CNKSR3: variants seen among roughly 807,000 people sequenced by gnomAD.
CNKSR3 encodes the protein connector enhancer of kinase suppressor of ras 3.
In CNKSR3, 36 loss-of-function variants were observed where a neutral mutation model predicts 67.7. That is an observed-to-expected ratio of 0.53 (90% CI 0.41 to 0.70). CNKSR3 has a LOEUF of 0.70. CNKSR3 is among the 30% of genes least tolerant of loss of function. The pLI, the probability that CNKSR3 is intolerant of heterozygous loss-of-function variation, is 0.00. For synonymous variants in CNKSR3, 281 were observed against 271.4 expected, an observed-to-expected ratio of 1.04 and a Z score of -0.35; for missense variants, 630 against 695.2, an observed-to-expected ratio of 0.91 and a Z score of 1.05.
chr6:154,510,008 C>T, intron 1 of CNKSR3, 55 bp downstream of exon 1: 1 of 1,595,526 alleles, frequency 6.3e-7, no homozygotes, highest in Admixed American at 1.7e-5. Flanking sequence ...CCCAGCTCCT[C>T]GTCCGCCCCA....
chr6:154,427,744 A>C (rs1375551934), intron 7 of CNKSR3, among the ~76,000 whole-genome samples: 1 of 152,208 alleles, frequency 6.6e-6, no homozygotes, highest in African/African-American at 2.4e-5. Flanking sequence ...GAGACATAAA[A>C]ATTCCATTAA....
chr6:154,478,737 C>G (rs1177601341), intron 1 of CNKSR3, among the ~76,000 whole-genome samples: 2 of 152,148 alleles, frequency 1.3e-5, no homozygotes, highest in Non-Finnish European at 2.9e-5. Flanking sequence ...TTCCTGAAAC[C>G]TGCATCTTTT....
At position 154,415,227 on chromosome 6, in the gene CNKSR3, C is replaced by CTTTTTTTTTTTTTTTT. The variant is rs773533317; in HGVS notation, c.946-805_946-804insAAAAAAAAAAAAAAAA. On this transcript the variant is annotated intron_variant, in intron 9 of 12. Coordinates refer to ENST00000607772, the MANE Select transcript of CNKSR3 (RefSeq NM_173515.4). ...ATCCTGGCTAGACTTACTAGCTGCC[C>CTTTTTTTTTTTTTTTT]ATTTTTTTTTTTTTTTTTTTTAAGA... Among the ~76,000 whole-genome samples the CTTTTTTTTTTTTTTTT allele has an allele frequency of 2.7e-3, 309 of 112,720 alleles. 37 individuals carry two copies. Among genetic ancestry groups the CTTTTTTTTTTTTTTTT allele is most frequent in the African/African-American group, 0.01 (275 of 26,796 alleles). 73.9% of individuals were successfully genotyped at this position (112,720 alleles called of 152,430 possible).
At chr6:154,423,263 T>C (rs746784897) in intron 7 of CNKSR3, among the ~76,000 whole-genome samples, 11 of 152,076 alleles carry the variant, frequency 7.2e-5, no homozygotes, top group Non-Finnish European at 1.6e-4. Context: ...ACATACTGTC[T>C]TTTGTTTTGT....
At chr6:154,436,754 A>T (rs1297424435) in intron 4 of CNKSR3, among the ~76,000 whole-genome samples, 3 of 151,882 alleles carry the variant, frequency 2.0e-5, no homozygotes, top group Non-Finnish European at 4.4e-5. Context: ...ACATGAGGAG[A>T]CTACACTGGA....
chr6:154,486,396 A>G (rs1164641568), intron 1 of CNKSR3, among the ~76,000 whole-genome samples: 1 of 150,672 alleles, frequency 6.6e-6, no homozygotes, highest in African/African-American at 2.5e-5. Flanking sequence ...CCTGGCTTCC[A>G]GTGATTTCTC....
rs1403816624 is a variant in CNKSR3 at position 154,396,459 on chromosome 6, ACTT to A, written c.*9892_*9894del. 1 of 152,208 alleles carries A rather than the reference ACTT, an allele frequency of 6.6e-6. No homozygotes were observed. Among genetic ancestry groups the A allele is most frequent in the African/African-American group, 2.4e-5 (1 of 41,448 alleles). The allele number at this position is 152,208 out of a possible 1,614,324, so 9.4% of individuals were successfully genotyped here. A position where few individuals can be genotyped will look rare whatever the true frequency, so the allele number is the denominator to read the frequency against. On this transcript the variant is annotated 3_prime_UTR_variant, in exon 13 of 13. Transcript: ENST00000607772. ...CAGAAAATTTTAATAATTTTTTCTAACTTCTTTTCTGATTGCACAGTTAATTTT... is the reference window on the plus strand; with the variant it reads ...CAGAAAATTTTAATAATTTTTTCTAACTTTTCTGATTGCACAGTTAATTTT...
rs760603680 is a variant in CNKSR3 at position 154,406,314 on chromosome 6, T to A, written c.*40A>T. On this transcript the variant is annotated 3_prime_UTR_variant, in exon 13 of 13. Transcript: ENST00000607772. ...CTGTCCACTGTAAAAGCAAGGCACT[T>A]GGGGCAGGAGCCAGGCAGGTGGCCT... The A allele has an allele frequency of 6.4e-7, 1 of 1,569,986 alleles. No homozygotes were observed. The highest frequency in any genetic ancestry group is 8.6e-7 in the Non-Finnish European group (1 of 1,156,650).
chr6:154,438,934 C>T (rs759158674), intron 4 of CNKSR3, among the ~76,000 whole-genome samples: 1 of 152,168 alleles, frequency 6.6e-6, no homozygotes, highest in African/African-American at 2.4e-5. Flanking sequence ...GGACATGTAC[C>T]TCCTATGGGA....
Position 154,407,908 on chromosome 6 carries a change from A to G in CNKSR3, c.1370-1256T>C, listed in dbSNP as rs193254629. Among the ~76,000 whole-genome samples the G allele has an allele frequency of 1.2e-3, 172 of 141,770 alleles. 1 individual carries two copies. Among genetic ancestry groups the G allele is most frequent in the African/African-American group, 4.2e-3 (162 of 38,734 alleles). 93.0% of individuals were successfully genotyped at this position (141,770 alleles called of 152,430 possible). ...AAAAAAAAAAAAACCTAAATTTCCA[A>G]CAGTGGCACGTTGAATAAATAGGCG... is the stretch of plus-strand genomic sequence containing the variant. On this transcript the variant is annotated intron_variant, in intron 12 of 12. Coordinates refer to ENST00000607772, the MANE Select transcript of CNKSR3 (RefSeq NM_173515.4).
chr6:154,456,787 C>T (rs746098140), intron 1 of CNKSR3, among the ~76,000 whole-genome samples: 72 of 148,682 alleles, frequency 4.8e-4, no homozygotes, highest in Non-Finnish European at 9.4e-4. Flanking sequence ...AGACTATGCT[C>T]TTCCACGAGG....
At position 154,399,889 on chromosome 6, in the gene CNKSR3, C is replaced by T. The variant is rs1297605196; in HGVS notation, c.*6465G>A. On this transcript the variant is annotated 3_prime_UTR_variant, in exon 13 of 13. Coordinates refer to ENST00000607772, the MANE Select transcript of CNKSR3 (RefSeq NM_173515.4). ...TCTAACAATAAAGTTAAATCCTCCC[C>T]TTTAATGGGTCTAGTCAGTGGAAGA... 6.6e-6 allele frequency: 1 copy of T among 152,130 alleles called. No individual in the cohort carries two copies. Among genetic ancestry groups the T allele is most frequent in the Non-Finnish European group, 1.5e-5 (1 of 68,024 alleles). 9.4% of individuals were successfully genotyped at this position (152,130 alleles called of 1,614,324 possible). A position where few individuals can be genotyped will look rare whatever the true frequency, so the allele number is the denominator to read the frequency against.
intron 1 of CNKSR3, among the ~76,000 whole-genome samples, chr6:154,467,879 C>T (rs1286591780): frequency 2.0e-5 from 3 of 151,600 alleles, no homozygotes; most frequent in African/African-American, 7.3e-5. Flanking sequence ...CCTGCCTCAG[C>T]TTCCTGAGTA....
intron 3 of CNKSR3, 117 bp downstream of exon 3, chr6:154,441,971 C>A (rs868191962): frequency 1.0e-6 from 1 of 962,172 alleles, no homozygotes; most frequent in East Asian, 2.6e-5. Context: ...CCTTAAGAGC[C>A]GGTAAAAATG....
chr6:154,447,584 AGCCACT>A (rs1562337126), intron 2 of CNKSR3, among the ~76,000 whole-genome samples: 2 of 152,192 alleles, frequency 1.3e-5, no homozygotes. Context: ...CTAATTTGTG[AGCCACT>A]GCTCACCAGT....
At chr6:154,466,681 G>A (rs1022735937) in intron 1 of CNKSR3, among the ~76,000 whole-genome samples, 8 of 151,984 alleles carry the variant, frequency 5.3e-5, no homozygotes, top group South Asian at 4.1e-4. Context: ...GTGCAGTGGC[G>A]CAATCATAGC....
intron 1 of CNKSR3, among the ~76,000 whole-genome samples, chr6:154,462,969 A>G (rs1786113254): frequency 1.3e-5 from 2 of 152,210 alleles, no homozygotes; most frequent in African/African-American, 4.8e-5. Context: ...GAAAAAAAGG[A>G]AGGAAAAGTC....
intron 7 of CNKSR3, among the ~76,000 whole-genome samples, chr6:154,427,456 C>T (rs1738116878): frequency 1.3e-5 from 2 of 152,234 alleles, no homozygotes; most frequent in Admixed American, 1.3e-4. Flanking sequence ...ATATCAATGT[C>T]TTTCAAAAGC....
chr6:154,502,169 T>C (rs938888840), intron 1 of CNKSR3, among the ~76,000 whole-genome samples: 3 of 151,776 alleles, frequency 2.0e-5, no homozygotes, highest in African/African-American at 7.3e-5. Context: ...CCATACGTTA[T>C]GCAAAGGGCT....
Sources: allele counts gnomAD v4.1 joint callset (sites outside exome capture counted in the v4.1 genomes callset), GRCh38; gene constraint gnomAD v4.1.1; transcripts MANE v1.5; gene names NCBI Gene and HGNC (gene_info 2026-07-23, HGNC 2026-07-21).